Variants in ACACA observed in about 807,000 individuals in gnomAD.
ACACA encodes acetyl-CoA carboxylase alpha.
ACACA carries 103 observed loss-of-function variants against 296.1 expected under a neutral mutation model. The observed-to-expected ratio is 0.35, with a 90% CI of 0.30 to 0.41. ACACA has a LOEUF of 0.41. ACACA is among the 10% of genes least tolerant of loss of function. ACACA has a pLI of 1.00. For synonymous variants in ACACA, 953 were observed against 1,038.6 expected, an observed-to-expected ratio of 0.92 and a Z score of 1.58; for missense variants, 1,554 against 2,989.7, an observed-to-expected ratio of 0.52 and a Z score of 11.20.
intron 5 of ACACA, among the ~76,000 whole-genome samples, chr17:37,281,341 G>A (rs1436318049): frequency 6.6e-6 from 1 of 152,020 alleles, no homozygotes; most frequent in Non-Finnish European, 1.5e-5. Flanking sequence ...TTACAGGCAT[G>A]AGCCACCACA....
intron 1 of ACACA, among the ~76,000 whole-genome samples, chr17:37,344,324 G>A (rs965258828): frequency 3.3e-5 from 5 of 151,990 alleles, no homozygotes; most frequent in African/African-American, 9.7e-5. Context: ...TTGGGAGGAT[G>A]AGACAGGCTG....
chr17:37,150,064 A>G (rs1025126457), intron 44 of ACACA, 90 bp from the exon 45 acceptor site: 2 of 1,088,344 alleles, frequency 1.8e-6, no homozygotes, highest in African/African-American at 3.1e-5. Flanking sequence ...ATCCAAATTA[A>G]CAGAAATAAA....
At chr17:37,244,952 G>T (rs2080617722) in intron 20 of ACACA, 128 bp downstream of exon 20, 3 of 1,419,954 alleles carry the variant, frequency 2.1e-6, no homozygotes, top group Non-Finnish European at 2.0e-6. Context: ...CAAATACAAG[G>T]CATAAGATTA....
intron 48 of ACACA, among the ~76,000 whole-genome samples, chr17:37,122,978 C>G (rs188075465): frequency 2.0e-5 from 3 of 152,314 alleles, no homozygotes; most frequent in African/African-American, 7.2e-5. Flanking sequence ...TCAGTTCACT[C>G]TAGAGCATCT....
intron 16 of ACACA, among the ~76,000 whole-genome samples, chr17:37,250,959 G>A (rs2080963397): frequency 2.0e-5 from 3 of 152,116 alleles, no homozygotes; most frequent in South Asian, 4.2e-4. Flanking sequence ...CCCGAGAGGC[G>A]GACCTTGCAG....
At chr17:37,187,649 C>A (rs2077588048) in intron 39 of ACACA, among the ~76,000 whole-genome samples, 1 of 152,130 alleles carries the variant, frequency 6.6e-6, no homozygotes, top group African/African-American at 2.4e-5. Context: ...AGTTTTCCTA[C>A]CTGAAAACGG....
At chr17:37,196,501 A>G (rs12945106) in intron 35 of ACACA, among the ~76,000 whole-genome samples, 1,829 of 152,232 alleles carry the variant, frequency 0.012, 54 homozygotes, top group African/African-American at 0.041. Context: ...TAACAGATGT[A>G]AAACTGTTTG....
At chr17:37,118,730 C>A (rs575533346) in intron 50 of ACACA, among the ~76,000 whole-genome samples, 1 of 152,248 alleles carries the variant, frequency 6.6e-6, no homozygotes, top group Non-Finnish European at 1.5e-5. Context: ...TTACATAAAT[C>A]TTAATTTATG....
intron 3 of ACACA, among the ~76,000 whole-genome samples, chr17:37,312,702 C>A (rs1230641808): frequency 1.3e-5 from 2 of 152,068 alleles, no homozygotes; most frequent in Admixed American, 6.6e-5. Flanking sequence ...ATAATGAACA[C>A]CTACATAAAG....
chr17:37,198,973 C>T (rs2078124356), intron 35 of ACACA, among the ~76,000 whole-genome samples: 1 of 152,246 alleles, frequency 6.6e-6, no homozygotes, highest in African/African-American at 2.4e-5. Context: ...GGCACAGTGG[C>T]TCATGCCTGT....
At chr17:37,151,038 G>A (rs1422920334) in intron 44 of ACACA, among the ~76,000 whole-genome samples, 18 of 150,794 alleles carry the variant, frequency 1.2e-4, no homozygotes, top group African/African-American at 3.7e-4. Flanking sequence ...GTGACAGGGC[G>A]AGACTCCATC....
At chr17:37,150,854 C>A (rs1018693846) in intron 44 of ACACA, among the ~76,000 whole-genome samples, 2 of 151,882 alleles carry the variant, frequency 1.3e-5, no homozygotes, top group African/African-American at 4.8e-5. Context: ...GAGATTGAGA[C>A]CATCCTGGCC....
chr17:37,243,428 T>C lies in ACACA; in HGVS notation c.2874A>G (p.Glu958=). 1 of 1,614,142 alleles carries C rather than the reference T, an allele frequency of 6.2e-7. No individual in the cohort carries two copies. Among genetic ancestry groups the C allele is most frequent in the East Asian group, 2.2e-5 (1 of 44,876 alleles). The stretch of plus-strand genomic sequence containing the variant: ...TGATGTTGCTAGCATACTGAGCCAT[T>C]TCCTTCTTGATAGACTTCTCCACAT... ...PPNVEKSIKK[E]MAQYASNITS... is the part of the protein sequence containing the mutation. Residue 958 remains glutamate (E), a synonymous_variant, in exon 22 of 56, where the codon GAA becomes GAG. Transcript: ENST00000616317.
chr17:37,317,164 A>C (rs750725642), intron 3 of ACACA, among the ~76,000 whole-genome samples: 8 of 152,204 alleles, frequency 5.3e-5, no homozygotes, highest in Non-Finnish European at 7.3e-5. Flanking sequence ...TATATTCATT[A>C]TAATATCATC....
chr17:37,111,689 T>A, intron 51 of ACACA, 46 bp from the exon 52 acceptor site: 1 of 1,421,396 alleles, frequency 7.0e-7, no homozygotes, highest in Non-Finnish European at 9.9e-7. Flanking sequence ...AGAGGCACTT[T>A]AAAGGAAGGA....
At chr17:37,294,176 A>C (rs897385194) in intron 3 of ACACA, among the ~76,000 whole-genome samples, 18 of 152,108 alleles carry the variant, frequency 1.2e-4, no homozygotes, top group African/African-American at 4.1e-4. Flanking sequence ...CTAAGTTAGT[A>C]GTTTTATAAC....
At chr17:37,171,138 A>T (rs1362714423) in intron 41 of ACACA, among the ~76,000 whole-genome samples, 3 of 152,212 alleles carry the variant, frequency 2.0e-5, no homozygotes, top group African/African-American at 4.8e-5. Flanking sequence ...TCATGCTAAA[A>T]GCCTTGCTAT....
rs115271193 is a variant in ACACA, at chr17:37,285,032, A to C, written c.339-62T>G. 3,631 of 1,596,888 alleles carry C rather than the reference A, an allele frequency of 2.3e-3. 63 individuals are homozygous for C. In the African/African-American group the frequency reaches 0.037, roughly 16 times the overall value. ...ATTTTCTGGAGACCTGCTTTTCACT[A>C]CCATACCCATAACAGTACTTTCACA... is the stretch of plus-strand genomic sequence containing the variant. On this transcript the variant is annotated intron_variant, in intron 3 of 55. Coordinates refer to ENST00000616317, the MANE Select transcript of ACACA (RefSeq NM_198834.3).
intron 27 of ACACA, 21 bp from the exon 28 acceptor site, chr17:37,223,622 C>T (rs2079396605): frequency 2.0e-6 from 3 of 1,520,792 alleles, no homozygotes; most frequent in Admixed American, 3.3e-5. Context: ...CAAAGACAGG[C>T]TTAAGCCTTA....
Sources: allele counts gnomAD v4.1 joint callset (sites outside exome capture counted in the v4.1 genomes callset), GRCh38; gene constraint gnomAD v4.1.1; transcripts MANE v1.5; gene names NCBI Gene and HGNC (gene_info 2026-07-23, HGNC 2026-07-21).